Variants in GPR139 observed in about 807,000 individuals in gnomAD.
GPR139 encodes G protein-coupled receptor 139.
In GPR139, 12 loss-of-function variants were observed where a neutral mutation model predicts 25.8. The observed-to-expected ratio is 0.47, with a 90% CI of 0.30 to 0.75. The LOEUF (loss-of-function observed/expected upper bound fraction) is 0.75, where lower values mean the gene tolerates loss of function less well. GPR139 is among the 30% of genes least tolerant of loss of function. The probability of loss-of-function intolerance (pLI) is 0.07; values close to 1 mark genes in which losing one functional copy is unlikely to be tolerated. For missense variants in GPR139, 380 were observed against 450.2 expected (o/e 0.84, Z 1.41); for synonymous variants, 184 against 179.9 (o/e 1.02, Z -0.18).
chr16:20,050,090 G>A (rs1029690937), intron 1 of GPR139, among the ~76,000 whole-genome samples: 4 of 152,192 alleles, frequency 2.6e-5, no homozygotes, highest in Admixed American at 2.0e-4. Context: ...TGGCAGAGAA[G>A]CCAGATAGAT....
intron 1 of GPR139, among the ~76,000 whole-genome samples, chr16:20,057,451 G>A (rs2057393513): frequency 6.6e-6 from 1 of 152,122 alleles, no homozygotes; most frequent in South Asian, 2.1e-4. Flanking sequence ...TATTCTTGGA[G>A]GCTAGTATGA....
At chr16:20,052,424 TCATAGTG>T (rs1365926392) in intron 1 of GPR139, among the ~76,000 whole-genome samples, 1 of 152,218 alleles carries the variant, frequency 6.6e-6, no homozygotes, top group Admixed American at 6.5e-5. Flanking sequence ...GAAGCAGCAC[TCATAGTG>T]ATGATGCTGC....
Position 20,031,567 on chromosome 16 carries a change from C to A in GPR139, c.*168G>T, listed in dbSNP as rs1166922850. 1.6e-6 allele frequency: 1 copy of A among 623,212 alleles called. No homozygotes were observed. The highest frequency in any genetic ancestry group is 1.8e-5 in the African/African-American group (1 of 54,558). 38.6% of individuals were successfully genotyped at this position (623,212 alleles called of 1,614,324 possible). Reference sequence around the variant, plus strand: ...AAGTAAAAACAAGCTTCATGCTCTCCTTTCTTCTCTTCCATCTCTTCTCAT... The same window carrying A: ...AAGTAAAAACAAGCTTCATGCTCTCATTTCTTCTCTTCCATCTCTTCTCAT... On this transcript the variant is annotated 3_prime_UTR_variant, in exon 2 of 2. Coordinates refer to ENST00000570682, the MANE Select transcript of GPR139 (RefSeq NM_001002911.4).
intron 1 of GPR139, among the ~76,000 whole-genome samples, chr16:20,058,551 G>A (rs895242999): frequency 5.3e-5 from 8 of 152,108 alleles, no homozygotes; most frequent in African/African-American, 1.9e-4. Context: ...GATCCAAGAA[G>A]CAACCACCTT....
intron 1 of GPR139, among the ~76,000 whole-genome samples, chr16:20,041,949 A>G (rs2057338090): frequency 6.6e-6 from 1 of 151,930 alleles, no homozygotes; most frequent in Admixed American, 6.6e-5. Flanking sequence ...GGCTATTTTT[A>G]TTTTTTTGCT....
At chr16:20,050,864 C>G (rs2057369226) in intron 1 of GPR139, among the ~76,000 whole-genome samples, 1 of 152,078 alleles carries the variant, frequency 6.6e-6, no homozygotes, top group Non-Finnish European at 1.5e-5. Flanking sequence ...GAGTTCAAGA[C>G]CAGCCTGGGC....
At chr16:20,049,598 A>G (rs924961171) in intron 1 of GPR139, among the ~76,000 whole-genome samples, 1 of 152,214 alleles carries the variant, frequency 6.6e-6, no homozygotes, top group Non-Finnish European at 1.5e-5. Flanking sequence ...TCATTTCCCT[A>G]TTGAATGTGA....
intron 1 of GPR139, among the ~76,000 whole-genome samples, chr16:20,054,231 G>A (rs1217867173): frequency 6.6e-6 from 1 of 152,110 alleles, no homozygotes; most frequent in Non-Finnish European, 1.5e-5. Context: ...AAGTCATTCT[G>A]TTTGTGCTGA....
At position 20,035,467 on chromosome 16, in the gene GPR139, T is replaced by C. The variant is rs1354162578; in HGVS notation, c.128-2798A>G. ...ACTTGGTATTTCAAAACTGCATTAA[T>C]GCATTCATGCATTATGTACCTATTC... On this transcript the variant is annotated intron_variant, in intron 1 of 1. Coordinates refer to ENST00000570682, the MANE Select transcript of GPR139 (RefSeq NM_001002911.4). 2.0e-5 allele frequency among the ~76,000 whole-genome samples: 3 copies of C among 152,362 alleles called. No homozygotes were observed. The East Asian group carries it at 5.8e-4, about 29-fold the overall frequency.
chr16:20,038,180 C>G (rs372718107), intron 1 of GPR139, among the ~76,000 whole-genome samples: 4 of 151,994 alleles, frequency 2.6e-5, no homozygotes, highest in Non-Finnish European at 4.4e-5. Flanking sequence ...TTTTTCCCCC[C>G]CATCCATTAA....
At chr16:20,064,442 G>A (rs2057424546) in intron 1 of GPR139, among the ~76,000 whole-genome samples, 1 of 152,178 alleles carries the variant, frequency 6.6e-6, no homozygotes, top group African/African-American at 2.4e-5. Context: ...GGCTGAGGCA[G>A]GAGGATCACT....
At chr16:20,035,885 C>G (rs528656588) in intron 1 of GPR139, among the ~76,000 whole-genome samples, 50 of 152,286 alleles carry the variant, frequency 3.3e-4, no homozygotes, top group African/African-American at 1.2e-3. Context: ...AACAGCCTTG[C>G]TGTGTTCTGT....
At chr16:20,064,601 A>G (rs1057009081) in intron 1 of GPR139, among the ~76,000 whole-genome samples, 6 of 152,240 alleles carry the variant, frequency 3.9e-5, no homozygotes, top group African/African-American at 1.2e-4. Context: ...AAGCATTCTT[A>G]GCACATAGTA....
intron 1 of GPR139, among the ~76,000 whole-genome samples, chr16:20,056,382 T>C (rs1211767005): frequency 6.6e-6 from 1 of 152,190 alleles, no homozygotes; most frequent in Non-Finnish European, 1.5e-5. Flanking sequence ...GCTATCACAA[T>C]TTACAAACGA....
At chr16:20,048,613 G>A (rs894551508) in intron 1 of GPR139, among the ~76,000 whole-genome samples, 2 of 152,182 alleles carry the variant, frequency 1.3e-5, no homozygotes, top group Non-Finnish European at 2.9e-5. Flanking sequence ...ATTGCAGGAG[G>A]GTGGTCACCA....
chr16:20,056,854 T>A (rs12447431), intron 1 of GPR139, among the ~76,000 whole-genome samples: 1 of 151,924 alleles, frequency 6.6e-6, no homozygotes. Flanking sequence ...GATTGTTTCA[T>A]CACAATATTC....
intron 1 of GPR139, among the ~76,000 whole-genome samples, chr16:20,058,570 C>T (rs141225070): frequency 6.6e-6 from 1 of 152,150 alleles, no homozygotes; most frequent in Non-Finnish European, 1.5e-5. Flanking sequence ...TTTTTCTTCC[C>T]TCTTCTGCGA....
At chr16:20,072,773 C>A (rs1439710655) in intron 1 of GPR139, among the ~76,000 whole-genome samples, 6 of 152,162 alleles carry the variant, frequency 3.9e-5, no homozygotes, top group Non-Finnish European at 8.8e-5. Context: ...GGTGGGTAGA[C>A]CTGGAGGCCA....
intron 1 of GPR139, among the ~76,000 whole-genome samples, chr16:20,057,117 C>T (rs1270539759): frequency 2.0e-5 from 3 of 152,166 alleles, no homozygotes; most frequent in Admixed American, 2.0e-4. Context: ...TTTTCTTGTC[C>T]TGTGCCCTGA....
Sources: allele counts gnomAD v4.1 joint callset (sites outside exome capture counted in the v4.1 genomes callset), GRCh38; gene constraint gnomAD v4.1.1; transcripts MANE v1.5; gene names NCBI Gene and HGNC (gene_info 2026-07-23, HGNC 2026-07-21).